CPEB4: variants seen among roughly 807,000 people sequenced by gnomAD.
The protein encoded by CPEB4 is cytoplasmic polyadenylation element binding protein 4, also known as cytoplasmic polyadenylation element-binding protein 4.
A neutral mutation model predicts 72.5 loss-of-function variants in CPEB4; 12 were observed. That is an observed-to-expected ratio of 0.17 (90% confidence interval 0.11 to 0.27). CPEB4 has a LOEUF of 0.27. CPEB4 is among the 10% of genes least tolerant of loss of function. CPEB4 has a pLI of 1.00. For synonymous variants in CPEB4, 302 were observed against 326.3 expected, an observed-to-expected ratio of 0.93 and a Z score of 0.80; for missense variants, 614 against 908.5, an observed-to-expected ratio of 0.68 and a Z score of 4.17.
At chr5:173,932,689 GC>G (rs1757489245) in intron 3 of CPEB4, among the ~76,000 whole-genome samples, 189 bp downstream of exon 3, 1 of 152,084 alleles carries the variant, frequency 6.6e-6, no homozygotes, top group African/African-American at 2.4e-5. Context: ...TAATATGAGG[GC>G]CAACTGATTC....
chr5:173,907,796 A>C (rs1756496798), intron 1 of CPEB4, among the ~76,000 whole-genome samples: 2 of 152,232 alleles, frequency 1.3e-5, no homozygotes, highest in South Asian at 4.1e-4. Flanking sequence ...AACGGAGATC[A>C]TCTGCCAGGA....
intron 2 of CPEB4, among the ~76,000 whole-genome samples, chr5:173,928,632 A>C (rs1177230648): frequency 6.6e-6 from 1 of 152,202 alleles, no homozygotes; most frequent in Non-Finnish European, 1.5e-5. Context: ...TCAACTAGCT[A>C]GCCATGGAAT....
Position 173,959,928 on chromosome 5 carries a change from C to T in CPEB4, c.*3791C>T, listed in dbSNP as rs1421594388. The T allele has an allele frequency of 6.6e-6, 1 of 152,364 alleles. No homozygotes were observed. Among genetic ancestry groups the T allele is most frequent in the East Asian group, 1.9e-4 (1 of 5,316 alleles). The allele number at this position is 152,364 out of a possible 1,614,324, so 9.4% of individuals were successfully genotyped here. A position where few individuals can be genotyped will look rare whatever the true frequency, so the allele number is the denominator to read the frequency against. ...TTAGCAAGTGGGTGTCTAGTTTTTA[C>T]TAATCCCTAATTTTTTTTCCAGTGT... On this transcript the variant is annotated 3_prime_UTR_variant, in exon 10 of 10. Transcript: ENST00000265085.
chr5:173,902,744 C>A (rs1756282950), intron 1 of CPEB4, among the ~76,000 whole-genome samples: 1 of 152,118 alleles, frequency 6.6e-6, no homozygotes, highest in Non-Finnish European at 1.5e-5. Flanking sequence ...ATGAATTTTT[C>A]CATTGCTGAC....
rs755139985 is a variant in CPEB4 at position 173,955,943 on chromosome 5, C to T, written c.1996C>T (p.Leu666=). 25 of 1,613,980 alleles carry T rather than the reference C, an allele frequency of 1.5e-5. No homozygotes were observed. The highest frequency in any genetic ancestry group is 2.0e-5 in the Non-Finnish European group (24 of 1,179,958). ...EVKPYVLDDQ[L]CDECQGARCG... is the part of the protein sequence containing the mutation. ...TAAGCCATATGTCTTGGATGATCAG[C>T]TGTGTGATGAATGTCAGGGGGCCCG... Residue 666 remains leucine (L), a synonymous_variant, in exon 10 of 10, where the codon CTG becomes TTG. Transcript: ENST00000265085. The surrounding 1 kb of genome is among the most constrained non-coding windows in gnomAD (Gnocchi z 4.7).
At chr5:173,916,614 C>T (rs1017103278) in intron 2 of CPEB4, among the ~76,000 whole-genome samples, 5 of 152,106 alleles carry the variant, frequency 3.3e-5, no homozygotes, top group Non-Finnish European at 7.4e-5. Context: ...CTTGCTTTAT[C>T]TACGTGTTAA....
At chr5:173,931,886 A>C (rs940880459) in intron 2 of CPEB4, among the ~76,000 whole-genome samples, 1 of 152,216 alleles carries the variant, frequency 6.6e-6, no homozygotes, top group Non-Finnish European at 1.5e-5. Context: ...GACACACTTC[A>C]AAATTCAGAG....
chr5:173,942,949 C>A, intron 3 of CPEB4, 77 bp from the exon 4 acceptor site: 1 of 1,406,514 alleles, frequency 7.1e-7, no homozygotes, highest in South Asian at 1.3e-5. Flanking sequence ...TAGATGAAAT[C>A]ACAGTTGATT....
chr5:173,944,827 A>G (rs1757961506), intron 4 of CPEB4, 140 bp from the exon 5 acceptor site: 30 of 687,532 alleles, frequency 4.4e-5, no homozygotes, highest in Non-Finnish European at 4.9e-6. Context: ...ATTCAAGAGT[A>G]TAGCTAAGTG....
At chr5:173,896,340 A>G (rs1416661999) in intron 1 of CPEB4, among the ~76,000 whole-genome samples, 1 of 152,220 alleles carries the variant, frequency 6.6e-6, no homozygotes, top group Non-Finnish European at 1.5e-5. Context: ...AGTATGTTTT[A>G]CCATGATAAA....
At chr5:173,934,584 A>C (rs1163693657) in intron 3 of CPEB4, among the ~76,000 whole-genome samples, 1 of 152,126 alleles carries the variant, frequency 6.6e-6, no homozygotes, top group East Asian at 1.9e-4. Flanking sequence ...GGGGCCCCAA[A>C]ACTTGATTTT....
At chr5:173,897,417 A>C (rs1169415230) in intron 1 of CPEB4, among the ~76,000 whole-genome samples, 1 of 152,224 alleles carries the variant, frequency 6.6e-6, no homozygotes, top group Non-Finnish European at 1.5e-5. Context: ...TCCTGGAATC[A>C]AGAGTTTTTA....
At position 173,961,005 on chromosome 5, in the gene CPEB4, G is replaced by T. The variant is rs1758534924; in HGVS notation, c.*4868G>T. Reference sequence around the variant, plus strand: ...ACACTGAGAATATCCTGTTTTGTCAGATTTAATATCTGTTCTTTCTTGAGT... The same window carrying T: ...ACACTGAGAATATCCTGTTTTGTCATATTTAATATCTGTTCTTTCTTGAGT... On this transcript the variant is annotated 3_prime_UTR_variant, in exon 10 of 10. Transcript: ENST00000265085. 6.6e-6 allele frequency: 1 copy of T among 152,188 alleles called. No homozygotes were observed. The highest frequency in any genetic ancestry group is 2.4e-5 in the African/African-American group (1 of 41,440). The allele number at this position is 152,188 out of a possible 1,614,324, so 9.4% of individuals were successfully genotyped here.
Position 173,950,153 on chromosome 5 carries a change from C to T in CPEB4, c.1665+75C>T. On this transcript the variant is annotated intron_variant, in intron 7 of 9. Transcript: ENST00000265085. The surrounding 1 kb of genome is among the most constrained non-coding windows in gnomAD (Gnocchi z 5.0). Reference sequence around the variant, plus strand: ...CTGTTATATTTGAAAAACCCATAGACAACTTGATGTGTTTGGGGTACTTAA... The same window carrying T: ...CTGTTATATTTGAAAAACCCATAGATAACTTGATGTGTTTGGGGTACTTAA... 1.2e-6 allele frequency: 1 copy of T among 844,288 alleles called. No homozygotes were observed. Among genetic ancestry groups the T allele is most frequent in the Non-Finnish European group, 1.9e-6 (1 of 521,884 alleles). 52.3% of individuals were successfully genotyped at this position (844,288 alleles called of 1,614,324 possible). A position where few individuals can be genotyped will look rare whatever the true frequency, so the allele number is the denominator to read the frequency against.
chr5:173,889,346 G>T lies in CPEB4; in HGVS notation c.-388G>T, dbSNP rs774522130. The stretch of plus-strand genomic sequence containing the variant: ...ATATATATCTATATTTTTACTCCGC[G>T]CAAGGCTTATTCTTCTACATCCATA... On this transcript the variant is annotated 5_prime_UTR_variant, in exon 1 of 10. Transcript: ENST00000265085. The T allele has an allele frequency of 2.5e-5, 4 of 161,212 alleles. No individual in the cohort carries two copies. The highest frequency in any genetic ancestry group is 7.2e-5 in the African/African-American group (3 of 41,564). 10.0% of individuals were successfully genotyped at this position (161,212 alleles called of 1,614,324 possible). A position where few individuals can be genotyped will look rare whatever the true frequency, so the allele number is the denominator to read the frequency against.
chr5:173,910,560 G>C lies in CPEB4; in HGVS notation c.1163G>C (p.Ser388Thr). The change falls in exon 2 of 10, where the codon AGT (serine) becomes ACT (threonine). Residue 388 changes from serine to threonine, a missense_variant. This residue lies in a region of CPEB4 where 458 missense variants were observed against 548.6 expected (regional missense o/e 0.83). Transcript: ENST00000265085. ...PRTFDMHSLESSLIDIMRAEN... is the reference protein window; with the variant it reads ...PRTFDMHSLETSLIDIMRAEN... ...ACATTCGACATGCACTCACTGGAGA[G>C]TTCACTCATTGACATAATGAGAGCT... 6.2e-7 allele frequency: 1 copy of C among 1,613,664 alleles called. No homozygotes were observed. Among genetic ancestry groups the C allele is most frequent in the Non-Finnish European group, 8.5e-7 (1 of 1,179,656 alleles).
At chr5:173,898,974 A>C (rs1322294571) in intron 1 of CPEB4, among the ~76,000 whole-genome samples, 1 of 152,232 alleles carries the variant, frequency 6.6e-6, no homozygotes, top group African/African-American at 2.4e-5. Context: ...CCTGAACTTA[A>C]TTTTAAATAA....
chr5:173,931,359 A>AC (rs1377930348), intron 2 of CPEB4, among the ~76,000 whole-genome samples: 1 of 152,162 alleles, frequency 6.6e-6, no homozygotes, highest in East Asian at 1.9e-4. Flanking sequence ...TTTGAGAGTC[A>AC]TGGTTCTGTG....
intron 2 of CPEB4, among the ~76,000 whole-genome samples, chr5:173,921,043 A>G (rs1757054594): frequency 6.6e-6 from 1 of 152,228 alleles, no homozygotes; most frequent in African/African-American, 2.4e-5. Context: ...CTGTGAACCC[A>G]TTAGTGACCA....
Sources: allele counts gnomAD v4.1 joint callset (sites outside exome capture counted in the v4.1 genomes callset), GRCh38; gene constraint gnomAD v4.1.1; regional missense constraint gnomAD v4.1.1; non-coding constraint Gnocchi (gnomAD v3.1); transcripts MANE v1.5; gene names NCBI Gene and HGNC (gene_info 2026-07-23, HGNC 2026-07-21).